The following AKAP13 variants were observed in gnomAD, a reference collection of about 807,000 sequenced individuals.
AKAP13 encodes A-kinase anchor protein 13.
A neutral mutation model predicts 264.5 loss-of-function variants in AKAP13; 80 were observed. That is an observed-to-expected ratio of 0.30 (90% CI 0.25 to 0.36). The LOEUF is 0.36. Ranked by LOEUF, AKAP13 falls within the 10% of genes least tolerant of loss-of-function variation. The pLI is 1.00. For synonymous variants in AKAP13, 1,380 were observed against 1,250.2 expected, an observed-to-expected ratio of 1.10 and a Z score of -2.19; for missense variants, 3,712 against 3,435.2, an observed-to-expected ratio of 1.08 and a Z score of -2.01.
At chr15:85,513,471 G>C (rs1302817385) in intron 2 of AKAP13, among the ~76,000 whole-genome samples, 1 of 152,062 alleles carries the variant, frequency 6.6e-6, no homozygotes, top group Non-Finnish European at 1.5e-5. Context: ...TTTTCCAAAA[G>C]TAGTACAAAG....
At chr15:85,717,161 A>C in intron 20 of AKAP13, 129 bp from the exon 21 acceptor site, 1 of 573,976 alleles carries the variant, frequency 1.7e-6, no homozygotes, top group Non-Finnish European at 3.0e-6. Context: ...CGACATAAGC[A>C]ATTTGTCTTC....
intron 16 of AKAP13, among the ~76,000 whole-genome samples, chr15:85,686,127 A>T (rs1193585772): frequency 6.6e-6 from 1 of 151,338 alleles, no homozygotes; most frequent in East Asian, 1.9e-4. Flanking sequence ...TCAGTTAAGG[A>T]ACTCTTGCAA....
intron 2 of AKAP13, among the ~76,000 whole-genome samples, chr15:85,498,478 C>G (rs534729657): frequency 6.6e-6 from 1 of 151,904 alleles, no homozygotes; most frequent in Non-Finnish European, 1.5e-5. Context: ...TATAGATGAA[C>G]GAACATAGCT....
rs2079143829 is a variant in AKAP13 at position 85,581,658 on chromosome 15, C to T, written c.3590C>T (p.Thr1197Ile). ...LLQPVAKELP[T>I]DMELSAHDDG... ...CAGCCTGTTGCCAAGGAGCTCCCCA[C>T]AGACATGGAGCTCTCAGCCCATGAT... The change falls in exon 7 of 37, where the codon ACA becomes ATA. Residue 1197 changes from threonine (T) to isoleucine (I), a missense_variant. By Grantham distance (89) the Thr-to-Ile change is moderately conservative. Around this residue, in one of 3 missense-constraint regions of AKAP13, gnomAD observed 2,759 missense variants for 2,411.7 expected, o/e 1.14. Transcript: ENST00000394518. 1 of 1,614,170 alleles carries T rather than the reference C, an allele frequency of 6.2e-7. No homozygotes were observed. Among genetic ancestry groups the T allele is most frequent in the Non-Finnish European group, 8.5e-7 (1 of 1,180,040 alleles).
At chr15:85,456,799 A>G (rs1294986729) in intron 1 of AKAP13, among the ~76,000 whole-genome samples, 1 of 152,156 alleles carries the variant, frequency 6.6e-6, no homozygotes, top group Non-Finnish European at 1.5e-5. Context: ...CTTATAGCTC[A>G]TGTTGACAGC....
At chr15:85,536,097 C>A (rs181281666) in intron 4 of AKAP13, 1 of 152,196 alleles carries the variant, frequency 6.6e-6, no homozygotes, top group Non-Finnish European at 1.5e-5. Context: ...CCACTGTGCC[C>A]GGCCACTTCC....
chr15:85,717,112 C>T (rs189981554), intron 20 of AKAP13, 178 bp from the exon 21 acceptor site: 3 of 521,964 alleles, frequency 5.7e-6, no homozygotes, highest in African/African-American at 4.0e-5. Flanking sequence ...TAAATGCTCC[C>T]GACTTTGTTA....
chr15:85,510,766 A>C (rs935459833), intron 2 of AKAP13, among the ~76,000 whole-genome samples: 36 of 152,228 alleles, frequency 2.4e-4, no homozygotes, highest in African/African-American at 8.4e-4. Context: ...GAAATATTTT[A>C]AATGGTGTGG....
At chr15:85,404,771 C>T (rs190297147) in intron 1 of AKAP13, among the ~76,000 whole-genome samples, 1 of 152,326 alleles carries the variant, frequency 6.6e-6, no homozygotes, top group Non-Finnish European at 1.5e-5. Context: ...ATGGTAGGGG[C>T]TCAGTAATCT....
intron 1 of AKAP13, among the ~76,000 whole-genome samples, chr15:85,414,062 A>G (rs2072115213): frequency 6.6e-6 from 1 of 152,172 alleles, no homozygotes; most frequent in South Asian, 2.1e-4. Flanking sequence ...AGAGGAAAAA[A>G]GGTGTAACTC....
chr15:85,668,857 C>A (rs372641722), intron 13 of AKAP13, among the ~76,000 whole-genome samples: 16 of 150,264 alleles, frequency 1.1e-4, no homozygotes, highest in African/African-American at 3.7e-4. Context: ...GCGGGAGAAT[C>A]GCTTGAACCT....
chr15:85,656,974 A>G (rs2083127405), intron 11 of AKAP13, among the ~76,000 whole-genome samples: 1 of 151,934 alleles, frequency 6.6e-6, no homozygotes, highest in African/African-American at 2.4e-5. Flanking sequence ...AACATAGGAG[A>G]CCCCATCTCT....
chr15:85,492,950 T>C (rs1186908720), intron 2 of AKAP13, among the ~76,000 whole-genome samples: 1 of 152,214 alleles, frequency 6.6e-6, no homozygotes, highest in Non-Finnish European at 1.5e-5. Context: ...GAATTGGGCA[T>C]ATAAGAGATG....
Position 85,745,441 on chromosome 15 carries a change from TC to T in AKAP13, c.*765del, listed in dbSNP as rs2089341937. The T allele has an allele frequency of 6.6e-6, 1 of 152,216 alleles. No individual in the cohort carries two copies. The highest frequency in any genetic ancestry group is 1.5e-5 in the Non-Finnish European group (1 of 68,034). 9.4% of individuals were successfully genotyped at this position (152,216 alleles called of 1,614,324 possible). A position where few individuals can be genotyped will look rare whatever the true frequency, so the allele number is the denominator to read the frequency against. On this transcript the variant is annotated 3_prime_UTR_variant, in exon 37 of 37. Transcript: ENST00000394518. ...AACAAAACAACCCATAGTATCTCAT[TC>T]TGTCATCAGATCCAGAAGAAATATC...
At chr15:85,735,537 A>G in intron 31 of AKAP13, 23 bp from the exon 32 acceptor site, 1 of 1,588,898 alleles carries the variant, frequency 6.3e-7, no homozygotes, top group South Asian at 1.2e-5. Flanking sequence ...TTAAAAAAAA[A>G]AACAACCCTA....
intron 1 of AKAP13, among the ~76,000 whole-genome samples, chr15:85,438,348 C>G (rs1252343461): frequency 6.7e-6 from 1 of 150,210 alleles, no homozygotes; most frequent in East Asian, 1.9e-4. Flanking sequence ...ACATTCCATG[C>G]TCATGGGTAG....
At chr15:85,536,629 T>A (rs995125223) in intron 4 of AKAP13, 1 of 152,256 alleles carries the variant, frequency 6.6e-6, no homozygotes, top group Non-Finnish European at 1.5e-5. Flanking sequence ...TACAGTGGAA[T>A]ACTACTCAGC....
intron 1 of AKAP13, among the ~76,000 whole-genome samples, chr15:85,444,224 C>T (rs929409819): frequency 1.3e-5 from 2 of 152,014 alleles, no homozygotes; most frequent in African/African-American, 4.8e-5. Flanking sequence ...ATATTTATTC[C>T]TGACAGGTGT....
chr15:85,469,979 T>C (rs1191837159), intron 1 of AKAP13, among the ~76,000 whole-genome samples: 1 of 152,154 alleles, frequency 6.6e-6, no homozygotes, highest in Non-Finnish European at 1.5e-5. Context: ...AAGTAACATA[T>C]AGGGCAGTAC....
Sources: allele counts gnomAD v4.1 joint callset (sites outside exome capture counted in the v4.1 genomes callset), GRCh38; gene constraint gnomAD v4.1.1; regional missense constraint gnomAD v4.1.1; transcripts MANE v1.5; gene names NCBI Gene and HGNC (gene_info 2026-07-23, HGNC 2026-07-21).